The following KHDRBS2 variants were observed in gnomAD, a reference collection of about 807,000 sequenced individuals.
KHDRBS2 encodes the protein KH RNA binding domain containing, signal transduction associated 2, also known as KH domain-containing, RNA-binding, signal transduction-associated protein 2.
In KHDRBS2, 26 loss-of-function variants were observed where a neutral mutation model predicts 44.3. The ratio of observed to expected loss-of-function variants is 0.59; its 90% CI spans 0.43 to 0.81. The LOEUF is 0.81. Among genes scored for constraint, KHDRBS2 ranks in the 40% least tolerant of loss-of-function variants. KHDRBS2 has a pLI of 0.00. For missense variants in KHDRBS2, 476 were observed against 433.1 expected (o/e 1.10, Z -0.88); for synonymous variants, 194 against 151.1 (o/e 1.28, Z -2.08).
intron 2 of KHDRBS2, among the ~76,000 whole-genome samples, chr6:62,057,834 A>G (rs1790647901): frequency 1.3e-5 from 2 of 152,088 alleles, no homozygotes; most frequent in Middle Eastern, 3.4e-3. Context: ...TTGTAATAAC[A>G]TGTCTATTAA....
At chr6:62,124,963 G>A (rs1808598098) in intron 2 of KHDRBS2, among the ~76,000 whole-genome samples, 1 of 151,994 alleles carries the variant, frequency 6.6e-6, no homozygotes, top group Admixed American at 6.6e-5. Context: ...TCATATTGTG[G>A]TTTTAATTTG....
intron 2 of KHDRBS2, among the ~76,000 whole-genome samples, chr6:62,146,884 T>C (rs1338115852): frequency 6.6e-6 from 1 of 151,924 alleles, no homozygotes; most frequent in African/African-American, 2.4e-5. Flanking sequence ...GATGTGAGCA[T>C]AGGCTTCTCC....
chr6:61,812,854 A>T (rs1788343617), intron 6 of KHDRBS2, among the ~76,000 whole-genome samples: 1 of 152,060 alleles, frequency 6.6e-6, no homozygotes, highest in African/African-American at 2.4e-5. Context: ...TGGCCTCAGT[A>T]CATTTTCACA....
chr6:62,126,413 G>A (rs1808982188), intron 2 of KHDRBS2, among the ~76,000 whole-genome samples: 2 of 149,826 alleles, frequency 1.3e-5, no homozygotes, highest in African/African-American at 4.8e-5. Context: ...CCTAGGGCTA[G>A]GGAAAGTACT....
chr6:61,896,190 C>T (rs1802907379), intron 5 of KHDRBS2, among the ~76,000 whole-genome samples: 1 of 152,194 alleles, frequency 6.6e-6, no homozygotes, highest in African/African-American at 2.4e-5. Flanking sequence ...TCTGTTTCCT[C>T]ATAAGCAAGA....
At chr6:61,721,575 CTGTT>C (rs1389609509) in intron 7 of KHDRBS2, among the ~76,000 whole-genome samples, 25 of 135,388 alleles carry the variant, frequency 1.8e-4, no homozygotes, top group African/African-American at 6.0e-4. Context: ...ATTTGGCTCT[CTGTT>C]TGTCTGTTGT....
At chr6:61,767,576 G>C (rs183375901) in intron 6 of KHDRBS2, among the ~76,000 whole-genome samples, 19 of 151,496 alleles carry the variant, frequency 1.3e-4, no homozygotes, top group Non-Finnish European at 2.5e-4. Flanking sequence ...CTTTGTTTTT[G>C]TGAAGGTGAT....
chr6:62,025,593 T>C (rs1783156634), intron 3 of KHDRBS2, among the ~76,000 whole-genome samples: 1 of 151,990 alleles, frequency 6.6e-6, no homozygotes, highest in Non-Finnish European at 1.5e-5. Flanking sequence ...AATAATCCTT[T>C]TGCTTCAACA....
At chr6:61,650,426 A>G in the KHDRBS2 span, among the ~76,000 whole-genome samples, 2 of 148,396 alleles carry the variant, frequency 1.3e-5, no homozygotes, top group Admixed American at 6.8e-5. Flanking sequence ...TTTTTTAATC[A>G]GGTGTCTAGT....
chr6:61,871,036 A>C (rs182046924), intron 6 of KHDRBS2, among the ~76,000 whole-genome samples: 57 of 152,326 alleles, frequency 3.7e-4, no homozygotes, highest in African/African-American at 1.3e-3. Context: ...TAGGCTTCAG[A>C]AAGTGGGTAA....
chr6:61,580,705 G>A, the KHDRBS2 span, among the ~76,000 whole-genome samples: 8 of 152,002 alleles, frequency 5.3e-5, no homozygotes, highest in South Asian at 2.1e-4. Context: ...ACACACCACT[G>A]TTAAGAGCTG....
At chr6:61,802,209 A>C (rs1417205702) in intron 6 of KHDRBS2, among the ~76,000 whole-genome samples, 1 of 152,118 alleles carries the variant, frequency 6.6e-6, no homozygotes, top group Non-Finnish European at 1.5e-5. Flanking sequence ...CAGCCTGACT[A>C]ACACTTTGAT....
At chr6:61,631,037 A>G in the KHDRBS2 span, among the ~76,000 whole-genome samples, 2 of 152,044 alleles carry the variant, frequency 1.3e-5, no homozygotes, top group Non-Finnish European at 2.9e-5. Context: ...AGGAAGTTAA[A>G]TTTGATCCAA....
intron 8 of KHDRBS2, 144 bp downstream of exon 8, chr6:61,697,051 G>T: frequency 1.4e-6 from 1 of 692,736 alleles, no homozygotes; most frequent in South Asian, 1.6e-5. Flanking sequence ...AGCTGTGTAA[G>T]TCAAATCTCA....
intron 3 of KHDRBS2, among the ~76,000 whole-genome samples, chr6:62,021,098 A>G (rs1782204284): frequency 1.3e-5 from 2 of 152,050 alleles, no homozygotes; most frequent in African/African-American, 4.8e-5. Flanking sequence ...ATGGAGCTGG[A>G]GGCCATTATC....
chr6:62,212,225 T>C (rs1829180716), intron 1 of KHDRBS2, among the ~76,000 whole-genome samples: 1 of 152,108 alleles, frequency 6.6e-6, no homozygotes, highest in African/African-American at 2.4e-5. Context: ...AGGTAAATGC[T>C]ATACATAATA....
chr6:62,194,412 AG>A (rs1250192760), intron 1 of KHDRBS2, among the ~76,000 whole-genome samples: 1 of 149,892 alleles, frequency 6.7e-6, no homozygotes, highest in Non-Finnish European at 1.5e-5. Context: ...GGACTTTCTA[AG>A]CAATTATATT....
chr6:61,642,982 T>C, the KHDRBS2 span, among the ~76,000 whole-genome samples: 1 of 152,158 alleles, frequency 6.6e-6, no homozygotes, highest in African/African-American at 2.4e-5. Flanking sequence ...AAAAATGACA[T>C]TTAAAAATTA....
chr6:61,767,073 T>C (rs1455596242), intron 6 of KHDRBS2, among the ~76,000 whole-genome samples: 1 of 152,118 alleles, frequency 6.6e-6, no homozygotes, highest in Non-Finnish European at 1.5e-5. Context: ...GTAGCTATTA[T>C]TGTTTTGGAG....
Sources: gnomAD v4.1 joint callset for allele counts (sites outside exome capture counted in the v4.1 genomes callset) on GRCh38, gnomAD v4.1.1 for gene constraint, MANE v1.5 for transcripts, NCBI Gene and HGNC (gene_info 2026-07-23, HGNC 2026-07-21) for gene names.